PPA2: variants seen among roughly 807,000 people sequenced by gnomAD.
The protein encoded by PPA2 is inorganic pyrophosphatase 2, mitochondrial.
In PPA2, 48 loss-of-function variants were observed where a neutral mutation model predicts 49.5. The observed-to-expected ratio is 0.97, with a 90% confidence interval of 0.77 to 1.23. PPA2 has a LOEUF of 1.23. Among genes scored for constraint, PPA2 ranks in the 50% most tolerant of loss-of-function variants. PPA2 has a pLI of 0.00. For synonymous variants in PPA2, 131 were observed against 139.9 expected, an observed-to-expected ratio of 0.94 and a Z score of 0.45; for missense variants, 429 against 410.1, an observed-to-expected ratio of 1.05 and a Z score of -0.40.
intron 10 of PPA2, among the ~76,000 whole-genome samples, chr4:105,374,817 G>T (rs1176500610): frequency 2.0e-5 from 3 of 151,092 alleles, no homozygotes; most frequent in Non-Finnish European, 4.4e-5. Flanking sequence ...GGTTTTAGTT[G>T]AATTAAAGTG....
At chr4:105,374,858 CT>C (rs377243001) in intron 10 of PPA2, among the ~76,000 whole-genome samples, 347 of 131,758 alleles carry the variant, frequency 2.6e-3, no homozygotes, top group Middle Eastern at 3.9e-3. Flanking sequence ...TTTCTTTTTT[CT>C]TTTTTTTTTT....
chr4:105,422,597 T>C (rs1415750384), intron 7 of PPA2, among the ~76,000 whole-genome samples: 2 of 86,246 alleles, frequency 2.3e-5, no homozygotes, highest in African/African-American at 5.8e-5. Context: ...TATAATATTA[T>C]AGATGGGCTA....
At chr4:105,447,379 G>A (rs1722435749) in intron 4 of PPA2, among the ~76,000 whole-genome samples, 1 of 152,134 alleles carries the variant, frequency 6.6e-6, no homozygotes, top group African/African-American at 2.4e-5. Flanking sequence ...TAGTTACAGA[G>A]GCTAAGGGTA....
At chr4:105,386,724 A>C in intron 9 of PPA2, 88 bp from the exon 10 acceptor site, 3 of 961,988 alleles carry the variant, frequency 3.1e-6, no homozygotes, top group Non-Finnish European at 4.8e-6. Context: ...CAAATACTCC[A>C]CATCTGTTGT....
At chr4:105,403,193 T>G (rs1349178645) in intron 7 of PPA2, among the ~76,000 whole-genome samples, 1 of 151,560 alleles carries the variant, frequency 6.6e-6, no homozygotes, top group Non-Finnish European at 1.5e-5. Flanking sequence ...TTGGCTAATC[T>G]TTTTTGTTTG....
At chr4:105,419,215 G>C (rs2713824) in intron 7 of PPA2, among the ~76,000 whole-genome samples, 89,623 of 151,612 alleles carry the variant, frequency 0.59, 26,578 homozygotes, top group East Asian at 0.68. Flanking sequence ...GTGCAGGTTG[G>C]TTACATATGT....
chr4:105,418,406 A>AGATTGTGTCTCAACATATTTATTTTT (rs1249822929), intron 7 of PPA2, among the ~76,000 whole-genome samples: 1 of 152,246 alleles, frequency 6.6e-6, no homozygotes, highest in African/African-American at 2.4e-5. Context: ...TAAGCCAAAT[A>AGATTGTGTCTCAACATATTTATTTTT]GATTGTGTCT....
intron 1 of PPA2, among the ~76,000 whole-genome samples, chr4:105,459,842 G>A (rs1395151986): frequency 1.3e-5 from 2 of 152,152 alleles, no homozygotes; most frequent in African/African-American, 4.8e-5. Context: ...ATAACATACT[G>A]GAAAAGGCAA....
intron 9 of PPA2, among the ~76,000 whole-genome samples, chr4:105,389,446 TAA>T (rs370183473): frequency 0.16 from 20,655 of 130,222 alleles, 1,535 homozygotes; most frequent in Middle Eastern, 0.18. Context: ...AAACGAAACT[TAA>T]AAAAAAAAAA....
At chr4:105,444,370 TA>T (rs2110298384) in intron 5 of PPA2, among the ~76,000 whole-genome samples, 2 of 152,282 alleles carry the variant, frequency 1.3e-5, no homozygotes, top group South Asian at 4.2e-4. Flanking sequence ...AGGAGACCAT[TA>T]AGGTGTTCTT....
intron 7 of PPA2, among the ~76,000 whole-genome samples, chr4:105,403,027 T>A (rs1722291645): frequency 6.6e-6 from 1 of 152,106 alleles, no homozygotes; most frequent in African/African-American, 2.4e-5. Flanking sequence ...TCTCTCTCTC[T>A]CTCTCTTTCT....
At chr4:105,399,678 A>G (rs953762280) in intron 7 of PPA2, 8 of 152,506 alleles carry the variant, frequency 5.2e-5, no homozygotes, top group African/African-American at 1.7e-4. Context: ...TAGAATATAC[A>G]AAGATGGTTC....
intron 10 of PPA2, among the ~76,000 whole-genome samples, chr4:105,378,704 G>A (rs1342596447): frequency 2.0e-5 from 3 of 151,972 alleles, no homozygotes; most frequent in Non-Finnish European, 1.5e-5. Context: ...TTAAATTTAG[G>A]TCTAGGATCC....
chr4:105,393,924 A>G (rs2636704), intron 9 of PPA2, among the ~76,000 whole-genome samples: 56,892 of 152,112 alleles, frequency 0.37, 12,615 homozygotes, highest in East Asian at 0.68. Flanking sequence ...ATGGATTAAA[A>G]TGAGTTAAAA....
intron 10 of PPA2, among the ~76,000 whole-genome samples, chr4:105,377,108 A>T (rs1733286129): frequency 6.6e-6 from 1 of 152,142 alleles, no homozygotes; most frequent in Non-Finnish European, 1.5e-5. Flanking sequence ...TCTTCCTATT[A>T]AAGTCTCTGA....
chr4:105,379,697 G>A lies in PPA2; in HGVS notation c.939+6870C>T, dbSNP rs547762987. Among the ~76,000 whole-genome samples the A allele has an allele frequency of 4.7e-4, 70 of 149,632 alleles. 1 individual carries two copies. The highest frequency in any genetic ancestry group is 1.3e-3 in the South Asian group (6 of 4,754). On this transcript the variant is annotated intron_variant, in intron 10 of 11. Coordinates refer to ENST00000341695, the MANE Select transcript of PPA2 (RefSeq NM_176869.3). ...CACCCAGGCTGGAGTGCAGTGGCGCGATCTCGGCTCACTGCAACCTTTGCC... is the reference window on the plus strand; with the variant it reads ...CACCCAGGCTGGAGTGCAGTGGCGCAATCTCGGCTCACTGCAACCTTTGCC...
intron 1 of PPA2, among the ~76,000 whole-genome samples, chr4:105,471,013 TTTTGGAGAAG>T (rs1161017354): frequency 3.9e-5 from 6 of 152,210 alleles, no homozygotes; most frequent in African/African-American, 1.2e-4. Flanking sequence ...GTGGTTCAGT[TTTTGGAGAAG>T]TTACATCCGA....
At chr4:105,382,808 G>A (rs543032877) in intron 10 of PPA2, among the ~76,000 whole-genome samples, 2 of 152,084 alleles carry the variant, frequency 1.3e-5, no homozygotes, top group Non-Finnish European at 2.9e-5. Context: ...AGGCCAGCCT[G>A]GGCAATATAG....
intron 1 of PPA2, among the ~76,000 whole-genome samples, chr4:105,464,282 G>C (rs1335992877): frequency 2.0e-5 from 3 of 152,188 alleles, no homozygotes; most frequent in African/African-American, 7.2e-5. Flanking sequence ...CTTGTATGGG[G>C]CCTGTAGCCC....
Sources: allele counts gnomAD v4.1 joint callset (sites outside exome capture counted in the v4.1 genomes callset), GRCh38; gene constraint gnomAD v4.1.1; transcripts MANE v1.5; gene names NCBI Gene and HGNC (gene_info 2026-07-23, HGNC 2026-07-21).